Variants in RPTOR observed in about 807,000 individuals in gnomAD.
RPTOR encodes the protein regulatory associated protein of MTOR complex 1.
In RPTOR, 21 loss-of-function variants were observed where a neutral mutation model predicts 169.9. The ratio of observed to expected loss-of-function variants is 0.12; its 90% CI spans 0.09 to 0.18. The LOEUF (loss-of-function observed/expected upper bound fraction) is 0.18. Among genes scored for constraint, RPTOR ranks in the 10% least tolerant of loss-of-function variants. RPTOR has a pLI of 1.00. For synonymous variants in RPTOR, 732 were observed against 753.2 expected (o/e 0.97, Z 0.46); for missense variants, 1,133 against 1,855.9 (o/e 0.61, Z 7.16).
At chr17:80,829,551 C>T (rs1341934941) in intron 9 of RPTOR, among the ~76,000 whole-genome samples, 3 of 152,270 alleles carry the variant, frequency 2.0e-5, no homozygotes, top group Non-Finnish European at 4.4e-5. Context: ...GGCCTGTAGC[C>T]TGCCTGTTCC....
chr17:80,840,076 T>C (rs2067610648), intron 10 of RPTOR, among the ~76,000 whole-genome samples: 2 of 152,318 alleles, frequency 1.3e-5, no homozygotes, highest in South Asian at 4.1e-4. Context: ...CACATACAGC[T>C]TGGTGAATGT....
chr17:80,559,613 G>A lies in RPTOR; in HGVS notation c.162+13822G>A, dbSNP rs375505051. The stretch of plus-strand genomic sequence containing the variant: ...CTCTGAGCAGGAGAGAGAGGATGGC[G>A]CTCTGTCTTGTTTACCTCTGTTTCT... On this transcript the variant is annotated intron_variant, in intron 1 of 33. Transcript: ENST00000306801. Among the ~76,000 whole-genome samples, 170 of 152,302 alleles carry A rather than the reference G, an allele frequency of 1.1e-3. 2 individuals are homozygous for A. The highest frequency in any genetic ancestry group is 3.9e-3 in the African/African-American group (164 of 41,552).
chr17:80,889,707 G>T (rs2143860041), intron 17 of RPTOR, among the ~76,000 whole-genome samples: 1 of 152,340 alleles, frequency 6.6e-6, no homozygotes, highest in Admixed American at 6.5e-5. Context: ...CATTCAGGAA[G>T]GGCAGGAAGG....
chr17:80,559,301 C>A (rs994400006), intron 1 of RPTOR, among the ~76,000 whole-genome samples: 14 of 152,210 alleles, frequency 9.2e-5, no homozygotes, highest in Admixed American at 2.0e-4. Context: ...TACTGTCATG[C>A]TCATTTGATC....
chr17:80,827,721 C>T (rs1229239789), intron 9 of RPTOR, among the ~76,000 whole-genome samples: 1 of 152,132 alleles, frequency 6.6e-6, no homozygotes, highest in Non-Finnish European at 1.5e-5. Context: ...AGCAATCTGA[C>T]CACAGCTCCC....
chr17:80,930,459 C>A (rs113167096), intron 24 of RPTOR, among the ~76,000 whole-genome samples: 1 of 64,400 alleles, frequency 1.6e-5, no homozygotes, highest in Non-Finnish European at 3.3e-5. Context: ...CAGCTCATCC[C>A]CAGCTCATCC....
At chr17:80,949,589 G>A (rs764166209) in intron 28 of RPTOR, 42 bp downstream of exon 28, 13 of 1,539,746 alleles carry the variant, frequency 8.4e-6, no homozygotes, top group South Asian at 2.2e-5. Flanking sequence ...ATGTGTTCCC[G>A]GGGCTGCGGA....
chr17:80,911,570 G>A (rs776789554), intron 21 of RPTOR, among the ~76,000 whole-genome samples: 4 of 152,152 alleles, frequency 2.6e-5, no homozygotes, highest in African/African-American at 9.7e-5. Context: ...GATCACTTGA[G>A]CCCAGGTGTT....
In RPTOR at chr17:80,860,155, G is replaced by A. The variant is rs56296322; in HGVS notation, c.1509+2255G>A. ...CCCGGCGCTCCCCAGGCCACATTCT[G>A]TCAGCTCCTCCGTCCAGTCACTGGC... On this transcript the variant is annotated intron_variant, in intron 13 of 33. Transcript: ENST00000306801. The surrounding 1 kb of genome is among the most constrained non-coding windows in gnomAD (Gnocchi z 5.8). 0.35 allele frequency among the ~76,000 whole-genome samples: 53,125 copies of A among 152,120 alleles called. 11,098 individuals carry two copies. The highest frequency in any genetic ancestry group is 0.6 in the African/African-American group (24,762 of 41,504).
chr17:80,722,070 A>G (rs530322880), intron 4 of RPTOR, among the ~76,000 whole-genome samples: 1 of 151,156 alleles, frequency 6.6e-6, no homozygotes. Context: ...TTATTATAAA[A>G]TTCATTTTTT....
chr17:80,798,947 G>A (rs2067128505), intron 7 of RPTOR, among the ~76,000 whole-genome samples: 1 of 152,032 alleles, frequency 6.6e-6, no homozygotes, highest in Non-Finnish European at 1.5e-5. Context: ...GGAACTCTGG[G>A]TTCCCTGAGT....
At chr17:80,575,008 C>T (rs896385916) in intron 1 of RPTOR, among the ~76,000 whole-genome samples, 2 of 147,250 alleles carry the variant, frequency 1.4e-5, no homozygotes, top group African/African-American at 5.0e-5. Context: ...TTTCTACTTT[C>T]CTTGGGTTTG....
At chr17:80,590,513 T>C (rs1417094308) in intron 1 of RPTOR, among the ~76,000 whole-genome samples, 1 of 151,168 alleles carries the variant, frequency 6.6e-6, no homozygotes, top group Non-Finnish European at 1.5e-5. Flanking sequence ...GTGTCTTTAA[T>C]GGTTGAGCTG....
chr17:80,689,506 G>A (rs1383593663), intron 3 of RPTOR, among the ~76,000 whole-genome samples: 5 of 152,214 alleles, frequency 3.3e-5, no homozygotes, highest in Non-Finnish European at 7.3e-5. Flanking sequence ...TAAGCGCCAA[G>A]GATTGCTGTT....
Position 80,609,897 on chromosome 17 carries a change from T to C in RPTOR, c.163-15794T>C, listed in dbSNP as rs2065258029. ...TAGCTTACAACTGACATTTAGCCAA[T>C]TGAAAAGTGTAGGCCAGGGTGTAGA... On this transcript the variant is annotated intron_variant, in intron 1 of 33. Coordinates refer to ENST00000306801, the MANE Select transcript of RPTOR (RefSeq NM_020761.3). This position sits in a 1 kb window ranked among gnomAD's most constrained non-coding sequence, Gnocchi z 4.8. Among the ~76,000 whole-genome samples, 1 of 151,996 alleles carries C rather than the reference T, an allele frequency of 6.6e-6. No homozygotes were observed. The highest frequency in any genetic ancestry group is 2.4e-5 in the African/African-American group (1 of 41,382).
At chr17:80,830,123 C>T (rs1158044690) in intron 9 of RPTOR, among the ~76,000 whole-genome samples, 4 of 152,164 alleles carry the variant, frequency 2.6e-5, no homozygotes, top group Non-Finnish European at 5.9e-5. Flanking sequence ...GGTCAGGAGC[C>T]GGGACAGCAG....
At chr17:80,667,501 G>T (rs1009197677) in intron 3 of RPTOR, among the ~76,000 whole-genome samples, 1 of 152,162 alleles carries the variant, frequency 6.6e-6, no homozygotes, top group African/African-American at 2.4e-5. Flanking sequence ...TCCCACTTTC[G>T]AAGTTTCTTT....
At chr17:80,700,729 GAT>G (rs2066088888) in intron 3 of RPTOR, among the ~76,000 whole-genome samples, 4 of 29,946 alleles carry the variant, frequency 1.3e-4, no homozygotes, top group Non-Finnish European at 2.4e-4. Flanking sequence ...TGGTGGTGGT[GAT>G]GATGGTGGTG....
chr17:80,930,033 C>T (rs113760963), intron 24 of RPTOR, among the ~76,000 whole-genome samples: 9 of 149,010 alleles, frequency 6.0e-5, no homozygotes, highest in Non-Finnish European at 7.5e-5. Context: ...TGGCTCATCC[C>T]CAGCTCATCC....
Sources: gnomAD v4.1 joint callset for allele counts (sites outside exome capture counted in the v4.1 genomes callset) on GRCh38, gnomAD v4.1.1 for gene constraint, Gnocchi (gnomAD v3.1) non-coding constraint, MANE v1.5 for transcripts, NCBI Gene and HGNC (gene_info 2026-07-23, HGNC 2026-07-21) for gene names.